WASHC2A: variants seen among roughly 807,000 people sequenced by gnomAD.
The protein encoded by WASHC2A is WASH complex subunit FAM21A.
WASHC2A carries 82 observed loss-of-function variants against 140.3 expected under a neutral mutation model. That is an observed-to-expected ratio of 0.58 (90% CI 0.49 to 0.70). The LOEUF is 0.70. WASHC2A is among the 30% of genes least tolerant of loss of function. The pLI is 0.00. For synonymous variants in WASHC2A, 340 were observed against 560.8 expected (o/e 0.61, Z 5.56); for missense variants, 985 against 1,521.8 (o/e 0.65, Z 5.87).
chr10:50,113,538 C>T (rs554990833), intron 20 of WASHC2A, among the ~76,000 whole-genome samples: 6 of 151,976 alleles, frequency 3.9e-5, no homozygotes, highest in African/African-American at 1.5e-4. Flanking sequence ...TGGAAATAGG[C>T]CTGTCCGCTT....
At chr10:50,110,500 A>T (rs1461636085) in intron 20 of WASHC2A, among the ~76,000 whole-genome samples, 1 of 150,950 alleles carries the variant, frequency 6.6e-6, no homozygotes, top group Non-Finnish European at 1.5e-5. Context: ...TTTTTTAACC[A>T]TATTCTTTTT....
At chr10:50,127,304 G>A (rs1449364981) in intron 27 of WASHC2A, 82 bp downstream of exon 27, 9 of 1,609,970 alleles carry the variant, frequency 5.6e-6, no homozygotes, top group South Asian at 1.1e-5. Context: ...GTCAGCTGCT[G>A]CCAAGCATCT....
Position 50,118,069 on chromosome 10 carries a change from T to C in WASHC2A, c.2295+11T>C. On this transcript the variant is annotated intron_variant, in intron 22 of 30. Coordinates refer to ENST00000282633, the MANE Select transcript of WASHC2A (RefSeq NM_001005751.3). ...GCTGAGTCAGAAAAGGTGGACTTTT[T>C]TCTCTTGTATACTTGAATGCATTTG... The C allele has an allele frequency of 2.5e-6, 4 of 1,607,956 alleles. No homozygotes were observed. Among genetic ancestry groups the C allele is most frequent in the Non-Finnish European group, 3.4e-6 (4 of 1,177,352 alleles).
chr10:50,069,703 A>G lies in WASHC2A; in HGVS notation c.283A>G (p.Ile95Val), dbSNP rs1554875590. The change falls in exon 3 of 31, where the codon ATT (isoleucine) becomes GTT (valine). Residue 95 changes from isoleucine to valine, a missense_variant. Ile to Val is a conservative substitution (Grantham distance 29, BLOSUM62 3). Transcript: ENST00000282633. ...DFLMLSNTQFIENRVYDEEVE... is the reference protein window; with the variant it reads ...DFLMLSNTQFVENRVYDEEVE... ...CCTTATGCTCTCTAATACCCAGTTC[A>G]TTGAGAATGTGAGTTATTTAGTTAT... 1.9e-6 allele frequency: 3 copies of G among 1,611,966 alleles called. No individual in the cohort carries two copies. The highest frequency in any genetic ancestry group is 1.3e-5 in the African/African-American group (1 of 74,970).
chr10:50,089,713 C>T (rs1463250059), intron 8 of WASHC2A, among the ~76,000 whole-genome samples: 1 of 152,226 alleles, frequency 6.6e-6, no homozygotes, highest in Non-Finnish European at 1.5e-5. Context: ...TTGGATGGCT[C>T]TCTAGTCGTT....
At position 50,098,498 on chromosome 10, in the gene WASHC2A, G is replaced by C. The variant is rs1840724240; in HGVS notation, c.1548+696G>C. On this transcript the variant is annotated intron_variant, in intron 16 of 30. Coordinates refer to ENST00000282633, the MANE Select transcript of WASHC2A (RefSeq NM_001005751.3). ...TGCCACTGATCTGACAGGAGGAGGA[G>C]CTTAGGCAGTAATGCTTGCTGCTCA... 1.7e-5 allele frequency among the ~76,000 whole-genome samples: 2 copies of C among 118,936 alleles called. 1 individual carries two copies. Among genetic ancestry groups the C allele is most frequent in the Non-Finnish European group, 3.8e-5 (2 of 52,640 alleles). 78.0% of individuals were successfully genotyped at this position (118,936 alleles called of 152,430 possible). A position where few individuals can be genotyped will look rare whatever the true frequency, so the allele number is the denominator to read the frequency against.
At chr10:50,095,818 AAAAG>A (rs1386560296) in intron 15 of WASHC2A, 40 bp downstream of exon 15, 1 of 1,566,526 alleles carries the variant, frequency 6.4e-7, no homozygotes, top group African/African-American at 1.4e-5. Flanking sequence ...TTCAGCCAGA[AAAAG>A]AACGTTGCCT....
chr10:50,075,015 G>C (rs1249155523), intron 3 of WASHC2A, among the ~76,000 whole-genome samples: 1 of 151,936 alleles, frequency 6.6e-6, no homozygotes, highest in Non-Finnish European at 1.5e-5. Flanking sequence ...ATTTTTTTCT[G>C]TTCTTGTTTT....
At chr10:50,101,334 G>C (rs1484780462) in intron 17 of WASHC2A, among the ~76,000 whole-genome samples, 3 of 152,312 alleles carry the variant, frequency 2.0e-5, no homozygotes, top group Non-Finnish European at 2.9e-5. Flanking sequence ...AATCCAGCTT[G>C]CTTCCTCACT....
intron 30 of WASHC2A, among the ~76,000 whole-genome samples, chr10:50,131,529 G>T (rs1434904122): frequency 1.3e-5 from 2 of 152,128 alleles, no homozygotes; most frequent in African/African-American, 4.8e-5. Flanking sequence ...CTGGGTGTAG[G>T]CTCTACCTCA....
intron 8 of WASHC2A, among the ~76,000 whole-genome samples, chr10:50,087,533 A>C (rs1839492950): frequency 6.6e-6 from 1 of 152,060 alleles, no homozygotes; most frequent in Non-Finnish European, 1.5e-5. Flanking sequence ...TTTCTTAGAA[A>C]AGAAGTTTCA....
intron 8 of WASHC2A, among the ~76,000 whole-genome samples, chr10:50,088,528 G>A (rs1417550167): frequency 6.6e-6 from 1 of 151,876 alleles, no homozygotes; most frequent in South Asian, 2.1e-4. Flanking sequence ...CCAGAGTACT[G>A]GGATTACAGG....
At chr10:50,095,348 C>G in intron 14 of WASHC2A, 141 bp downstream of exon 14, 3 of 950,952 alleles carry the variant, frequency 3.2e-6, no homozygotes, top group Non-Finnish European at 4.7e-6. Context: ...ATAGAAAGAG[C>G]TCATTTACTG....
intron 20 of WASHC2A, among the ~76,000 whole-genome samples, chr10:50,111,847 G>T (rs1263824454): frequency 6.6e-6 from 1 of 152,134 alleles, no homozygotes; most frequent in Non-Finnish European, 1.5e-5. Flanking sequence ...GACCAACATG[G>T]TGAAACCCCG....
chr10:50,090,515 A>AAAAAAATATATAT (rs1214596899), intron 8 of WASHC2A, among the ~76,000 whole-genome samples: 1 of 108,764 alleles, frequency 9.2e-6, no homozygotes, highest in African/African-American at 3.3e-5. Context: ...AAAAAAAAAA[A>AAAAAAATATATAT]ATATATATAT....
At chr10:50,103,694 C>T (rs1388697237) in intron 17 of WASHC2A, among the ~76,000 whole-genome samples, 32 of 152,182 alleles carry the variant, frequency 2.1e-4, no homozygotes, top group African/African-American at 3.4e-4. Flanking sequence ...ATTCTTTAGA[C>T]GGTAATGGGA....
At chr10:50,125,960 T>G in intron 25 of WASHC2A, 97 bp from the exon 26 acceptor site, 1 of 1,507,692 alleles carries the variant, frequency 6.6e-7, no homozygotes, top group South Asian at 1.2e-5. Context: ...GAAAGTATTT[T>G]TAAGACTCAG....
At position 50,093,197 on chromosome 10, in the gene WASHC2A, G is replaced by A. The variant is rs1317869430; in HGVS notation, c.1004-71G>A. The A allele has an allele frequency of 6.9e-6, 5 of 726,150 alleles. No homozygotes were observed. In the African/African-American group the frequency reaches 9.3e-5, roughly 14 times the overall value. The allele number at this position is 726,150 out of a possible 1,614,324, so 45.0% of individuals were successfully genotyped here. On this transcript the variant is annotated intron_variant, in intron 11 of 30. Coordinates refer to ENST00000282633, the MANE Select transcript of WASHC2A (RefSeq NM_001005751.3). ...ATGCCAGTTTGGAGACACAGCAGATGCCAACCCGGGAATTTGAGTTCTGGA... is the reference window on the plus strand; with the variant it reads ...ATGCCAGTTTGGAGACACAGCAGATACCAACCCGGGAATTTGAGTTCTGGA...
intron 22 of WASHC2A, 30 bp from the exon 23 acceptor site, chr10:50,119,557 A>AT: frequency 2.0e-6 from 2 of 1,006,644 alleles, no homozygotes; most frequent in East Asian, 2.6e-5. Flanking sequence ...GGTGTTACTT[A>AT]TTTTTTCCCC....
Sources: allele counts gnomAD v4.1 joint callset (sites outside exome capture counted in the v4.1 genomes callset), GRCh38; gene constraint gnomAD v4.1.1; transcripts MANE v1.5; gene names NCBI Gene and HGNC (gene_info 2026-07-23, HGNC 2026-07-21).